Variants in ATXN1 observed in about 807,000 individuals in gnomAD.
ATXN1 encodes ataxin-1.
ATXN1 carries 8 observed loss-of-function variants against 56.4 expected under a neutral mutation model. The observed-to-expected ratio is 0.14, with a 90% CI of 0.08 to 0.26. The LOEUF (loss-of-function observed/expected upper bound fraction) is 0.26. Ranked by LOEUF, ATXN1 falls within the 10% of genes least tolerant of loss-of-function variation. The pLI is 1.00. For synonymous variants in ATXN1, 514 were observed against 494.6 expected (o/e 1.04, Z -0.52); for missense variants, 987 against 1,106.5 (o/e 0.89, Z 1.53).
intron 2 of ATXN1, among the ~76,000 whole-genome samples, chr6:16,688,784 A>C (rs1225710532): frequency 6.6e-6 from 1 of 152,190 alleles, no homozygotes; most frequent in Non-Finnish European, 1.5e-5. Flanking sequence ...TAAAACTACC[A>C]ATAAACTATT....
chr6:16,595,237 C>T (rs1033093653), intron 3 of ATXN1, among the ~76,000 whole-genome samples: 5 of 152,142 alleles, frequency 3.3e-5, no homozygotes, highest in Admixed American at 2.6e-4. Context: ...AATCGAAAAA[C>T]TTTGTAATTA....
At chr6:16,355,046 GGA>G (rs1761656939) in intron 6 of ATXN1, among the ~76,000 whole-genome samples, 2 of 152,208 alleles carry the variant, frequency 1.3e-5, no homozygotes, top group Admixed American at 1.3e-4. Context: ...CTCTCTTGGT[GGA>G]GAGGTATTTA....
chr6:16,373,976 A>G (rs1459641056), intron 6 of ATXN1, among the ~76,000 whole-genome samples: 1 of 152,196 alleles, frequency 6.6e-6, no homozygotes, highest in African/African-American at 2.4e-5. Flanking sequence ...CCAACATGTT[A>G]TATCAATGTT....
In ATXN1 at chr6:16,421,396, C is replaced by T. The variant is rs563651926; in HGVS notation, c.-161+64576G>A. Among the ~76,000 whole-genome samples, 28 of 152,254 alleles carry T rather than the reference C, an allele frequency of 1.8e-4. No individual in the cohort carries two copies. In the South Asian group the frequency reaches 4.8e-3, roughly 26 times the overall value. On this transcript the variant is annotated intron_variant, in intron 6 of 7. Coordinates refer to ENST00000436367, the MANE Select transcript of ATXN1 (RefSeq NM_001128164.2). The stretch of plus-strand genomic sequence containing the variant: ...AACTAACAGTTACATTTGTCCCCTC[C>T]TGCCTTGGATAAATAATGACTAATT...
At chr6:16,374,914 G>A (rs775556344) in intron 6 of ATXN1, among the ~76,000 whole-genome samples, 17 of 152,244 alleles carry the variant, frequency 1.1e-4, no homozygotes, top group Non-Finnish European at 1.9e-4. Context: ...CCCTGAATAT[G>A]TCTAATTCTG....
intron 4 of ATXN1, among the ~76,000 whole-genome samples, chr6:16,577,398 C>A (rs951808130): frequency 6.6e-6 from 1 of 151,958 alleles, no homozygotes; most frequent in African/African-American, 2.4e-5. Flanking sequence ...GTGGCGCACA[C>A]CTGTAGTCCC....
At chr6:16,613,499 A>G (rs1175296135) in intron 3 of ATXN1, among the ~76,000 whole-genome samples, 1 of 152,024 alleles carries the variant, frequency 6.6e-6, no homozygotes. Context: ...AAATTTTTAA[A>G]ATATGTAATA....
At chr6:16,529,282 G>A (rs1194929890) in intron 4 of ATXN1, among the ~76,000 whole-genome samples, 1 of 147,738 alleles carries the variant, frequency 6.8e-6, no homozygotes, top group Admixed American at 6.9e-5. Context: ...TCAGTGGAAA[G>A]TTGTGTATTA....
intron 2 of ATXN1, among the ~76,000 whole-genome samples, chr6:16,735,665 G>GTA (rs1760104369): frequency 6.6e-6 from 1 of 152,048 alleles, no homozygotes; most frequent in Admixed American, 6.6e-5. Context: ...CTCACCTGTA[G>GTA]GTGTACTCAG....
At chr6:16,399,337 G>A (rs1032357771) in intron 6 of ATXN1, among the ~76,000 whole-genome samples, 3 of 152,156 alleles carry the variant, frequency 2.0e-5, no homozygotes, top group African/African-American at 4.8e-5. Flanking sequence ...GTTAGGCTAC[G>A]TAGCCAACAC....
rs1760216396 is a variant in ATXN1 at position 16,305,362 on chromosome 6, C to T, written c.*967G>A. 3 of 152,470 alleles carry T rather than the reference C, an allele frequency of 2.0e-5. No individual in the cohort carries two copies. The South Asian group carries it at 6.2e-4, about 32-fold the overall frequency. 9.4% of individuals were successfully genotyped at this position (152,470 alleles called of 1,614,324 possible). On this transcript the variant is annotated 3_prime_UTR_variant, in exon 8 of 8. Coordinates refer to ENST00000436367, the MANE Select transcript of ATXN1 (RefSeq NM_001128164.2). ...CAAAGACAAAAAGATTTCGCAAACT[C>T]AACGTGAAGAGCTTCTGTTGCTCTC...
At chr6:16,723,857 T>C (rs1447842656) in intron 2 of ATXN1, among the ~76,000 whole-genome samples, 1 of 152,162 alleles carries the variant, frequency 6.6e-6, no homozygotes, top group Non-Finnish European at 1.5e-5. Context: ...ATTTCCACAG[T>C]ATGAAAAGTT....
chr6:16,601,713 T>C (rs1367121219), intron 3 of ATXN1, among the ~76,000 whole-genome samples: 1 of 151,810 alleles, frequency 6.6e-6, no homozygotes, highest in East Asian at 1.9e-4. Context: ...ATTAGTTGGG[T>C]GTGGTGGCGG....
chr6:16,409,851 A>C (rs1368796681), intron 6 of ATXN1, among the ~76,000 whole-genome samples: 2 of 152,156 alleles, frequency 1.3e-5, no homozygotes, highest in Admixed American at 1.3e-4. Flanking sequence ...GAAGTTCCAC[A>C]AAACTGTGCT....
chr6:16,350,931 A>T (rs1761552531), intron 6 of ATXN1, among the ~76,000 whole-genome samples: 2 of 152,102 alleles, frequency 1.3e-5, no homozygotes, highest in Admixed American at 1.3e-4. Context: ...AATAATAAAA[A>T]AATTTAGGCA....
chr6:16,517,022 C>T lies in ATXN1; in HGVS notation c.-299+5605G>A, dbSNP rs144260845. Among the ~76,000 whole-genome samples, 10 of 152,304 alleles carry T rather than the reference C, an allele frequency of 6.6e-5. No individual in the cohort carries two copies. In the East Asian group the frequency reaches 1.2e-3, roughly 18 times the overall value. On this transcript the variant is annotated intron_variant, in intron 5 of 7. Transcript: ENST00000436367. ...TCCCACTAGGAAATAATTCCCAATA[C>T]GTAATAACAATTATTCATTTGCATT...
intron 6 of ATXN1, among the ~76,000 whole-genome samples, chr6:16,473,714 C>T (rs1760267371): frequency 6.6e-6 from 1 of 152,124 alleles, no homozygotes; most frequent in Non-Finnish European, 1.5e-5. Context: ...TGGAGTTCTC[C>T]CACCAGATTC....
chr6:16,476,705 T>C (rs1267930971), intron 6 of ATXN1, among the ~76,000 whole-genome samples: 1 of 152,216 alleles, frequency 6.6e-6, no homozygotes, highest in Non-Finnish European at 1.5e-5. Flanking sequence ...CTTTATCTCA[T>C]ACAAAACATC....
intron 5 of ATXN1, among the ~76,000 whole-genome samples, chr6:16,507,991 T>C (rs1014346067): frequency 6.6e-6 from 1 of 152,238 alleles, no homozygotes; most frequent in African/African-American, 2.4e-5. Context: ...TGGTTTAGGA[T>C]ATTGTGACAA....
Sources: allele counts gnomAD v4.1 joint callset (sites outside exome capture counted in the v4.1 genomes callset), GRCh38; gene constraint gnomAD v4.1.1; transcripts MANE v1.5; gene names NCBI Gene and HGNC (gene_info 2026-07-23, HGNC 2026-07-21).